Variants in CDCA2 observed in about 807,000 individuals in gnomAD.
CDCA2 encodes the protein cell division cycle associated 2, also known as cell division cycle-associated protein 2.
CDCA2 carries 44 observed loss-of-function variants against 67.0 expected under a neutral mutation model. The observed-to-expected ratio is 0.66, with a 90% CI of 0.52 to 0.84. The LOEUF is 0.84. Ranked by LOEUF, CDCA2 falls within the 40% of genes least tolerant of loss-of-function variation. The pLI is 0.00. For missense variants in CDCA2, 1,253 were observed against 1,203.2 expected (o/e 1.04, Z -0.61); for synonymous variants, 447 against 418.7 (o/e 1.07, Z -0.82).
At chr8:25,466,552 G>T (rs183856473) in intron 5 of CDCA2, among the ~76,000 whole-genome samples, 624 of 152,168 alleles carry the variant, frequency 4.1e-3, no homozygotes, top group Non-Finnish European at 5.9e-3. Context: ...TTTCCGCATG[G>T]TTGCAATTAA....
intron 5 of CDCA2, 107 bp from the exon 6 acceptor site, chr8:25,468,110 C>G (rs1802988174): frequency 2.5e-6 from 1 of 401,200 alleles, no homozygotes; most frequent in Admixed American, 8.3e-5. Flanking sequence ...AAGAGTGAAA[C>G]TCCGTCTCAA....
chr8:25,490,604 T>C (rs1586511057), intron 13 of CDCA2, among the ~76,000 whole-genome samples: 1 of 151,214 alleles, frequency 6.6e-6, no homozygotes, highest in Admixed American at 6.6e-5. Flanking sequence ...ATGGTGAGAG[T>C]GAGAGGTGGT....
chr8:25,460,109 A>G, intron 1 of CDCA2, 131 bp from the exon 2 acceptor site: 1 of 817,792 alleles, frequency 1.2e-6, no homozygotes. Context: ...AAAATAAAAA[A>G]TGAAACCTGT....
Position 25,487,234 on chromosome 8 carries a change from C to T in CDCA2, c.1445-12C>T, listed in dbSNP as rs1483527281. ...TTTCCTACCCTGATTTAGCTTTTGTCTTGTTTATCAGGCACTGATACCTTT... is the reference window on the plus strand; with the variant it reads ...TTTCCTACCCTGATTTAGCTTTTGTTTTGTTTATCAGGCACTGATACCTTT... On this transcript the variant is annotated splice_polypyrimidine_tract_variant and intron_variant, in intron 11 of 14. Transcript: ENST00000330560. The T allele has an allele frequency of 2.5e-6, 4 of 1,586,592 alleles. No individual in the cohort carries two copies. The highest frequency in any genetic ancestry group is 3.5e-6 in the Non-Finnish European group (4 of 1,156,680).
chr8:25,468,556 T>TGTGTGC (rs1488757943), intron 6 of CDCA2, 143 bp downstream of exon 6: 332 of 494,092 alleles, frequency 6.7e-4, no homozygotes, highest in East Asian at 4.3e-3. Flanking sequence ...TGTGTGTGTG[T>TGTGTGC]GCGTGTGTGT....
Position 25,506,961 on chromosome 8 carries a change from A to C in CDCA2, c.2295A>C (p.Arg765Ser). 1 of 1,614,072 alleles carries C rather than the reference A, an allele frequency of 6.2e-7. No individual in the cohort carries two copies. The highest frequency in any genetic ancestry group is 8.5e-7 in the Non-Finnish European group (1 of 1,179,962). The change falls in exon 15 of 15, where the codon AGA (arginine) becomes AGC (serine). Residue 765 changes from arginine (R) to serine (S), a missense_variant. Arg to Ser is a moderately radical substitution (Grantham distance 110, BLOSUM62 -1). Coordinates refer to ENST00000330560, the MANE Select transcript of CDCA2 (RefSeq NM_152562.4). ...CAGATTTAAACATAAAGTGTGAAAG[A>C]AAGGATGACTTCTTAGGAGCTGCAG... is the stretch of plus-strand genomic sequence containing the variant. ...ISPDLNIKCERKDDFLGAAEG... is the reference protein window; with the variant it reads ...ISPDLNIKCESKDDFLGAAEG...
At chr8:25,477,602 C>G (rs1258477459) in intron 7 of CDCA2, among the ~76,000 whole-genome samples, 1 of 152,180 alleles carries the variant, frequency 6.6e-6, no homozygotes, top group Non-Finnish European at 1.5e-5. Flanking sequence ...CACTTCTGAT[C>G]CCAAGCATTT....
In CDCA2 at chr8:25,503,521, C is replaced by T. The variant is rs1057031461; in HGVS notation, c.1820C>T (p.Pro607Leu). Residue 607 changes from proline to leucine, a missense_variant, in exon 14 of 15, where the codon CCG becomes CTG. Physicochemically the swap from Pro to Leu is moderately conservative, Grantham distance 98. Transcript: ENST00000330560. ...PEVPEMTPSI[P>L]SIRRLGSGYF... ...GTCCCTGAGATGACACCTTCCATTC[C>T]GAGCATCCGAAGACTGGGTTCAGGT... 6.8e-6 allele frequency: 11 copies of T among 1,611,110 alleles called. No individual in the cohort carries two copies. The highest frequency in any genetic ancestry group is 2.2e-5 in the East Asian group (1 of 44,842).
chr8:25,462,002 T>C, intron 3 of CDCA2, 52 bp from the exon 4 acceptor site: 3 of 1,544,502 alleles, frequency 1.9e-6, no homozygotes, highest in Non-Finnish European at 1.8e-6. Context: ...TTGGATGTGG[T>C]TACTGATGAT....
chr8:25,501,278 A>G (rs955974524), intron 13 of CDCA2, among the ~76,000 whole-genome samples: 1 of 152,260 alleles, frequency 6.6e-6, no homozygotes, highest in African/African-American at 2.4e-5. Context: ...CAGGATATCT[A>G]TAGATTTCTC....
At chr8:25,462,282 CATCTGCTCTGT>C (rs1385518792) in intron 4 of CDCA2, 74 bp downstream of exon 4, 10 of 1,447,310 alleles carry the variant, frequency 6.9e-6, no homozygotes, top group Non-Finnish European at 9.6e-6. Flanking sequence ...CCTTCTAGTG[CATCTGCTCTGT>C]TTCAAATCTG....
intron 13 of CDCA2, among the ~76,000 whole-genome samples, chr8:25,492,341 C>A (rs1333457154): frequency 6.6e-6 from 1 of 152,140 alleles, no homozygotes; most frequent in Admixed American, 6.6e-5. Flanking sequence ...ACGGATCTAA[C>A]AATACAAGAG....
intron 7 of CDCA2, among the ~76,000 whole-genome samples, chr8:25,475,460 A>C (rs562367577): frequency 6.6e-5 from 10 of 152,326 alleles, no homozygotes; most frequent in African/African-American, 2.4e-4. Context: ...CGGAGGTTGC[A>C]GTGAGCCGAG....
chr8:25,505,792 G>A (rs908236787), intron 14 of CDCA2, among the ~76,000 whole-genome samples: 6 of 152,084 alleles, frequency 3.9e-5, no homozygotes, highest in Admixed American at 3.3e-4. Context: ...CTAAGATTTA[G>A]AACTCATAAA....
At chr8:25,486,945 A>C (rs1803802044) in intron 11 of CDCA2, among the ~76,000 whole-genome samples, 1 of 152,214 alleles carries the variant, frequency 6.6e-6, no homozygotes, top group African/African-American at 2.4e-5. Context: ...CGTGGAATAA[A>C]TGGGTGTTCA....
rs370193607 is a variant in CDCA2, at chr8:25,507,749, C to A, written c.*11C>A. 1 of 1,602,222 alleles carries A rather than the reference C, an allele frequency of 6.2e-7. No homozygotes were observed. On this transcript the variant is annotated 3_prime_UTR_variant, in exon 15 of 15. Coordinates refer to ENST00000330560, the MANE Select transcript of CDCA2 (RefSeq NM_152562.4). ...GAAAGAAAGCAGTAATTGACATTTCCTGCAGAGTCTGTGGCAAGAGGGAAA... is the reference window on the plus strand; with the variant it reads ...GAAAGAAAGCAGTAATTGACATTTCATGCAGAGTCTGTGGCAAGAGGGAAA...
intron 13 of CDCA2, among the ~76,000 whole-genome samples, chr8:25,491,205 A>T (rs1423824706): frequency 6.6e-6 from 1 of 152,196 alleles, no homozygotes; most frequent in Non-Finnish European, 1.5e-5. Context: ...GAGACACCAT[A>T]GGACTCTTAG....
chr8:25,498,077 T>C (rs1804307007), intron 13 of CDCA2, among the ~76,000 whole-genome samples: 1 of 152,080 alleles, frequency 6.6e-6, no homozygotes, highest in Non-Finnish European at 1.5e-5. Context: ...TGTGTGGAGA[T>C]CTTATTGGGG....
chr8:25,461,862 C>T (rs1436685512), intron 3 of CDCA2, among the ~76,000 whole-genome samples, 192 bp from the exon 4 acceptor site: 1 of 152,208 alleles, frequency 6.6e-6, no homozygotes, highest in African/African-American at 2.4e-5. Context: ...GGAGCATAGA[C>T]TAAGTCAGCA....
Sources: gnomAD v4.1 joint callset for allele counts (sites outside exome capture counted in the v4.1 genomes callset) on GRCh38, gnomAD v4.1.1 for gene constraint, MANE v1.5 for transcripts, NCBI Gene and HGNC (gene_info 2026-07-23, HGNC 2026-07-21) for gene names.